The following RARB variants were observed in gnomAD, a reference collection of about 807,000 sequenced individuals.
RARB encodes HBV-activated protein.
A neutral mutation model predicts 51.9 loss-of-function variants in RARB; 17 were observed. That is an observed-to-expected ratio of 0.33 (90% CI 0.22 to 0.49). The LOEUF is 0.49. Among genes scored for constraint, RARB ranks in the 20% least tolerant of loss-of-function variants. RARB has a pLI of 0.99. For synonymous variants in RARB, 215 were observed against 195.4 expected (o/e 1.10, Z -0.84); for missense variants, 369 against 550.8 (o/e 0.67, Z 3.30).
intron 5 of RARB, among the ~76,000 whole-genome samples, chr3:25,411,099 A>G (rs1559389398): frequency 6.6e-6 from 1 of 152,360 alleles, no homozygotes; most frequent in Non-Finnish European, 1.5e-5. Flanking sequence ...TCGAGTTCAT[A>G]GATAATGTAA....
At chr3:25,494,257 A>T (rs948923076) in intron 2 of RARB, among the ~76,000 whole-genome samples, 5 of 151,430 alleles carry the variant, frequency 3.3e-5, no homozygotes, top group South Asian at 2.1e-4. Context: ...TCTTACGCAC[A>T]CACACACACA....
intron 3 of RARB, among the ~76,000 whole-genome samples, chr3:25,125,080 A>G (rs1276605206): frequency 6.6e-6 from 1 of 152,228 alleles, no homozygotes; most frequent in South Asian, 2.1e-4. Context: ...GTTAGAAACT[A>G]TTAGACCAGC....
chr3:25,325,726 C>CT (rs1190922438), intron 5 of RARB, among the ~76,000 whole-genome samples: 1 of 149,240 alleles, frequency 6.7e-6, no homozygotes, highest in Non-Finnish European at 1.5e-5. Context: ...GTTCTTCTCC[C>CT]TTTTTTCCTG....
intron 4 of RARB, among the ~76,000 whole-genome samples, chr3:25,167,660 G>C (rs1046485738): frequency 5.9e-5 from 9 of 152,146 alleles, no homozygotes; most frequent in Non-Finnish European, 1.0e-4. Context: ...ACCCATCCCT[G>C]GTAAGAAAGG....
At chr3:25,553,536 C>G (rs1293472097) in intron 3 of RARB, among the ~76,000 whole-genome samples, 1 of 152,162 alleles carries the variant, frequency 6.6e-6, no homozygotes, top group African/African-American at 2.4e-5. Flanking sequence ...AACTCTCTTT[C>G]ACATCACCAA....
At chr3:24,954,530 C>T (rs1447353413) in intron 2 of RARB, among the ~76,000 whole-genome samples, 3 of 152,090 alleles carry the variant, frequency 2.0e-5, no homozygotes, top group East Asian at 1.9e-4. Context: ...GTTGGGGTGC[C>T]GAGAACTTGT....
chr3:25,514,317 C>T (rs1698050589), intron 3 of RARB, among the ~76,000 whole-genome samples: 1 of 152,076 alleles, frequency 6.6e-6, no homozygotes, highest in Admixed American at 6.6e-5. Flanking sequence ...CATCCTTCTC[C>T]CTTTACAGCT....
chr3:25,528,156 C>G (rs753364470), intron 3 of RARB, among the ~76,000 whole-genome samples: 1 of 152,160 alleles, frequency 6.6e-6, no homozygotes, highest in Non-Finnish European at 1.5e-5. Context: ...AGCCAAGCCT[C>G]GAGTGTTTGG....
At chr3:24,916,282 A>C (rs1389240092) in intron 2 of RARB, among the ~76,000 whole-genome samples, 1 of 152,124 alleles carries the variant, frequency 6.6e-6, no homozygotes, top group African/African-American at 2.4e-5. Flanking sequence ...GTTGAAAAGA[A>C]TCTTAAGGAT....
At position 25,428,577 on chromosome 3, in the gene RARB, T is replaced by A; in HGVS notation, c.-155T>A. ...ATTACAGGCTTTTAGCTGGCTTGTC[T>A]GTCATAATTCATGATTCGGGGCTGG... On this transcript the variant is annotated 5_prime_UTR_variant, in exon 1 of 8. Transcript: ENST00000330688. 7.4e-7 allele frequency: 1 copy of A among 1,347,770 alleles called. No homozygotes were observed. The highest frequency in any genetic ancestry group is 9.6e-7 in the Non-Finnish European group (1 of 1,044,870). The allele number at this position is 1,347,770 out of a possible 1,614,324, so 83.5% of individuals were successfully genotyped here. A position where few individuals can be genotyped will look rare whatever the true frequency, so the allele number is the denominator to read the frequency against.
intron 5 of RARB, among the ~76,000 whole-genome samples, chr3:25,321,841 T>C (rs11708300): frequency 0.2 from 30,310 of 151,252 alleles, 3,306 homozygotes; most frequent in African/African-American, 0.29. Flanking sequence ...GAAGAAGCTA[T>C]AATTTCAATG....
chr3:25,453,559 A>T (rs903014746), intron 1 of RARB, among the ~76,000 whole-genome samples: 12 of 152,154 alleles, frequency 7.9e-5, no homozygotes, highest in African/African-American at 2.2e-4. Flanking sequence ...CTGCATTTTA[A>T]CAAGTTTCCA....
At chr3:24,966,676 G>C (rs541727881) in intron 2 of RARB, among the ~76,000 whole-genome samples, 17 of 150,688 alleles carry the variant, frequency 1.1e-4, no homozygotes, top group Admixed American at 9.2e-4. Flanking sequence ...GAACAGTAAA[G>C]ACATTGGGCA....
intron 5 of RARB, among the ~76,000 whole-genome samples, chr3:25,203,556 G>A (rs1334884673): frequency 6.6e-6 from 1 of 152,176 alleles, no homozygotes; most frequent in African/African-American, 2.4e-5. Context: ...GCATGTTTTT[G>A]CAGTGGCTGG....
intron 5 of RARB, among the ~76,000 whole-genome samples, chr3:25,230,845 G>A (rs1225460127): frequency 6.6e-6 from 1 of 152,042 alleles, no homozygotes; most frequent in Non-Finnish European, 1.5e-5. Context: ...ATAAAATGTA[G>A]CTAATATGAT....
chr3:25,440,451 A>T (rs1312433046), intron 1 of RARB, among the ~76,000 whole-genome samples: 2 of 150,168 alleles, frequency 1.3e-5, no homozygotes, highest in Admixed American at 1.3e-4. Flanking sequence ...TGTCTAAAAA[A>T]TAAAAAAAAA....
chr3:25,024,312 TGTTA>T (rs1293720940), intron 2 of RARB, among the ~76,000 whole-genome samples: 10 of 152,224 alleles, frequency 6.6e-5, no homozygotes, highest in African/African-American at 2.4e-4. Flanking sequence ...ATTTATTGAC[TGTTA>T]GTTAATAAAA....
chr3:24,960,833 A>T (rs1255626439), intron 2 of RARB, among the ~76,000 whole-genome samples: 1 of 151,982 alleles, frequency 6.6e-6, no homozygotes, highest in Non-Finnish European at 1.5e-5. Flanking sequence ...TTAGAATAAG[A>T]TGTATGATTT....
chr3:25,221,775 C>A (rs1225526769), intron 5 of RARB, among the ~76,000 whole-genome samples: 1 of 152,170 alleles, frequency 6.6e-6, no homozygotes, highest in Non-Finnish European at 1.5e-5. Flanking sequence ...ATTTAGAGAT[C>A]TACAGTGGAA....
Sources: allele counts gnomAD v4.1 joint callset (sites outside exome capture counted in the v4.1 genomes callset), GRCh38; gene constraint gnomAD v4.1.1; transcripts MANE v1.5; gene names NCBI Gene and HGNC (gene_info 2026-07-23, HGNC 2026-07-21).